ADGRD2: variants seen among roughly 807,000 people sequenced by gnomAD.
The protein encoded by ADGRD2 is G protein-coupled receptor PGR24.
A neutral mutation model predicts 44.4 loss-of-function variants in ADGRD2; 71 were observed. The observed-to-expected ratio is 1.60, with a 90% CI of 1.32 to 1.95. The LOEUF (loss-of-function observed/expected upper bound fraction) is 1.95, where lower values mean the gene tolerates loss of function less well. Among genes scored for constraint, ADGRD2 ranks in the 30% most tolerant of loss-of-function variants. The pLI is 0.00. For synonymous variants in ADGRD2, 481 were observed against 224.8 expected (o/e 2.14, Z -10.19); for missense variants, 1,039 against 512.4 (o/e 2.03, Z -9.92).
At chr9:124,452,790 C>T (rs2131221737) in intron 2 of ADGRD2, 68 bp downstream of exon 5, 2 of 668,212 alleles carry the variant, frequency 3.0e-6, no homozygotes, top group South Asian at 3.1e-5. Flanking sequence ...ATATAGGAGC[C>T]CACAGTGACA....
At chr9:124,453,171 C>T in exon 3 of ADGRD2, 3 of 695,536 alleles carry the variant, frequency 4.3e-6, no homozygotes, top group Non-Finnish European at 7.8e-6. Context: ...CGCCCGACCC[C>T]GCAGCGCTCT....
Position 124,476,420 on chromosome 9 carries a change from G to C in ADGRD2, c.2904+5G>C. The C allele has an allele frequency of 1.4e-6, 1 of 701,970 alleles. No individual in the cohort carries two copies. The highest frequency in any genetic ancestry group is 2.6e-6 in the Non-Finnish European group (1 of 384,138). The allele number at this position is 701,970 out of a possible 1,614,324, so 43.5% of individuals were successfully genotyped here. On this transcript the variant is annotated splice_donor_5th_base_variant and intron_variant, in intron 20 of 21. Coordinates refer to ENST00000334810, the Ensembl canonical transcript of ADGRD2. ...ATTGCAAACCCGGAGAGACAGGTGA[G>C]GCTGGGACAGGGTGGGCCGCACAGG... is the stretch of plus-strand genomic sequence containing the variant.
chr9:124,474,353 T>G (rs1832006837), intron 17 of ADGRD2, among the ~76,000 whole-genome samples: 1 of 145,438 alleles, frequency 6.9e-6, no homozygotes, highest in African/African-American at 2.6e-5. Flanking sequence ...GTCAGGCAGG[T>G]GCTGGTGTTC....
chr9:124,470,665 T>A, intron 17 of ADGRD2, 51 bp downstream of exon 20: 1 of 671,390 alleles, frequency 1.5e-6, no homozygotes, highest in Non-Finnish European at 2.8e-6. Flanking sequence ...GCACGAAAGC[T>A]CAGAGGGGAC....
chr9:124,477,653 C>T (rs1382175791), intron 21 of ADGRD2, among the ~76,000 whole-genome samples: 2 of 152,220 alleles, frequency 1.3e-5, no homozygotes, highest in Non-Finnish European at 2.9e-5. Context: ...GCCGCGTGAA[C>T]CCGGGTTGTG....
Position 124,467,659 on chromosome 9 carries a change from C to T in ADGRD2, c.2027-62C>T, listed in dbSNP as rs113773135. On this transcript the variant is annotated intron_variant, in intron 11 of 21. Coordinates refer to ENST00000334810, the Ensembl canonical transcript of ADGRD2. ...GGGGCCTTAGAGTCACCAGGTGGGG[C>T]GAGTTCTGGCCTGGGTTGGGTCTGG... 3,524 of 708,114 alleles carry T rather than the reference C, an allele frequency of 5.0e-3. 86 individuals carry two copies. The African/African-American group carries it at 0.055, about 11-fold the overall frequency. The allele number at this position is 708,114 out of a possible 1,614,324, so 43.9% of individuals were successfully genotyped here.
At chr9:124,457,364 C>T in intron 7 of ADGRD2, 108 bp from the exon 11 acceptor site, 2 of 453,520 alleles carry the variant, frequency 4.4e-6, no homozygotes, top group Non-Finnish European at 7.8e-6. Context: ...GGAATGGTGG[C>T]CTCCTAGGCC....
At position 124,455,100 on chromosome 9, in the gene ADGRD2, G is replaced by A. The variant is rs1329227705; in HGVS notation, c.1368G>A (p.Val456=). Residue 456 remains valine, a synonymous_variant, in exon 6 of 22, where the codon GTG becomes GTA. Coordinates refer to ENST00000334810, the Ensembl canonical transcript of ADGRD2. ...CCAGCCTGGTCCTGGAGGAGCAGGT[G>A]GCTGACACATGGCTCTCCCTCCGTG... is the stretch of plus-strand genomic sequence containing the variant. 3 of 711,488 alleles carry A rather than the reference G, an allele frequency of 4.2e-6. No homozygotes were observed. In the South Asian group the frequency reaches 4.4e-5, roughly 11 times the overall value. 44.1% of individuals were successfully genotyped at this position (711,488 alleles called of 1,614,324 possible). A position where few individuals can be genotyped will look rare whatever the true frequency, so the allele number is the denominator to read the frequency against.
rs1228198211 is a variant in ADGRD2 at position 124,458,680 on chromosome 9, G to A, written c.1831G>A (p.Val611Ile). 9.7e-6 allele frequency: 7 copies of A among 718,568 alleles called. No homozygotes were observed. The East Asian group carries it at 1.9e-4, about 19-fold the overall frequency. The allele number at this position is 718,568 out of a possible 1,614,324, so 44.5% of individuals were successfully genotyped here. A position where few individuals can be genotyped will look rare whatever the true frequency, so the allele number is the denominator to read the frequency against. Residue 611 changes from valine to isoleucine, a missense_variant, in exon 10 of 22, where the codon GTC becomes ATC. Physicochemically the swap from Val to Ile is conservative, Grantham distance 29 (BLOSUM62 3). Coordinates refer to ENST00000334810, the Ensembl canonical transcript of ADGRD2. ...TGAAGTGTGGGACGTCACTGGAGAGGTCAACGTGGCCATGACCTTTCATCT... is the reference window on the plus strand; with the variant it reads ...TGAAGTGTGGGACGTCACTGGAGAGATCAACGTGGCCATGACCTTTCATCT...
intron 8 of ADGRD2, 119 bp downstream of exon 11, chr9:124,457,725 G>A (rs1012690073): frequency 3.7e-6 from 2 of 546,102 alleles, no homozygotes; most frequent in Non-Finnish European, 6.6e-6. Context: ...TCTGTAAAAT[G>A]GGCACATTAC....
In ADGRD2 at chr9:124,458,733, C is replaced by T. The variant is rs368749173; in HGVS notation, c.1870+12C>T. 59 of 717,032 alleles carry T rather than the reference C, an allele frequency of 8.2e-5. No individual in the cohort carries two copies. Among genetic ancestry groups the T allele is most frequent in the East Asian group, 2.7e-4 (10 of 37,252 alleles). The allele number at this position is 717,032 out of a possible 1,614,324, so 44.4% of individuals were successfully genotyped here. A position where few individuals can be genotyped will look rare whatever the true frequency, so the allele number is the denominator to read the frequency against. ...AGCACCGGGCCCAGGTACTGGGTGGCGCTTCTGGGAAGCAGCCATCCTGGC... is the reference window on the plus strand; with the variant it reads ...AGCACCGGGCCCAGGTACTGGGTGGTGCTTCTGGGAAGCAGCCATCCTGGC... On this transcript the variant is annotated intron_variant, in intron 10 of 21. Transcript: ENST00000334810.
chr9:124,457,978 C>G, intron 8 of ADGRD2, 135 bp from the exon 12 acceptor site: 1 of 634,354 alleles, frequency 1.6e-6, no homozygotes, highest in South Asian at 1.8e-5. Context: ...GCTGTGTGAT[C>G]TTAGGGAAGT....
intron 9 of ADGRD2, 43 bp from the exon 13 acceptor site, chr9:124,458,573 C>A (rs1395273703): frequency 1.4e-6 from 1 of 710,798 alleles, no homozygotes. Context: ...AGGCACCATC[C>A]CTCCTCCACA....
At chr9:124,470,076 C>A (rs1378191991) in intron 16 of ADGRD2, among the ~76,000 whole-genome samples, 1 of 152,180 alleles carries the variant, frequency 6.6e-6, no homozygotes, top group Non-Finnish European at 1.5e-5. Context: ...CCCCACCCAT[C>A]CTCCACCAAG....
In ADGRD2 at chr9:124,454,001, C is replaced by G. The variant is rs1357488502; in HGVS notation, c.928C>G (p.Pro310Ala). ...GACAGCTCCCCTGCCCCTGCCAGTGCCCTCCGAGGAGTGCCCTACGTGGAA... is the reference window on the plus strand; with the variant it reads ...GACAGCTCCCCTGCCCCTGCCAGTGGCCTCCGAGGAGTGCCCTACGTGGAA... Residue 310 changes from proline (P) to alanine (A), a missense_variant and splice_region_variant, in exon 4 of 22, where the codon CCC (proline) becomes GCC (alanine). Coordinates refer to ENST00000334810, the Ensembl canonical transcript of ADGRD2. The surrounding 1 kb of genome is among the most constrained non-coding windows in gnomAD (Gnocchi z 4.5). 4.4e-6 allele frequency: 3 copies of G among 687,986 alleles called. No homozygotes were observed. In the South Asian group the frequency reaches 4.8e-5, roughly 11 times the overall value. The allele number at this position is 687,986 out of a possible 1,614,324, so 42.6% of individuals were successfully genotyped here.
chr9:124,455,025 G>A (rs1831588834), exon 6 of ADGRD2: 1 of 718,352 alleles, frequency 1.4e-6, no homozygotes, highest in Non-Finnish European at 2.6e-6. Context: ...ACCCAGAGCT[G>A]TTGTTGACAG....
chr9:124,477,520 G>A (rs1183024241), intron 21 of ADGRD2, among the ~76,000 whole-genome samples: 2 of 152,260 alleles, frequency 1.3e-5, no homozygotes, highest in Non-Finnish European at 2.9e-5. Flanking sequence ...GCGCGGATGA[G>A]GAAGTTGAGG....
intron 17 of ADGRD2, among the ~76,000 whole-genome samples, chr9:124,471,034 G>C (rs1169398612): frequency 6.6e-6 from 1 of 152,236 alleles, no homozygotes; most frequent in Non-Finnish European, 1.5e-5. Flanking sequence ...GTTTAGAAGA[G>C]GGTTTGGTGA....
At chr9:124,452,342 C>G in intron 1 of ADGRD2, 168 bp from the exon 5 acceptor site, 1 of 642,342 alleles carries the variant, frequency 1.6e-6, no homozygotes, top group Non-Finnish European at 2.9e-6. Flanking sequence ...GCGCAGATGA[C>G]GAAAAGAGCT....
Sources: allele counts gnomAD v4.1 joint callset (sites outside exome capture counted in the v4.1 genomes callset), GRCh38; gene constraint gnomAD v4.1.1; non-coding constraint Gnocchi (gnomAD v3.1); transcripts MANE v1.5; gene names NCBI Gene and HGNC (gene_info 2026-07-23, HGNC 2026-07-21).